STXBP5: variants seen among roughly 807,000 people sequenced by gnomAD.
STXBP5 encodes syntaxin-binding protein 5.
Under a neutral mutation model 152.4 loss-of-function variants are expected in STXBP5, and 50 were observed. The ratio of observed to expected loss-of-function variants is 0.33; its 90% confidence interval spans 0.26 to 0.42. The LOEUF is 0.42. STXBP5 is among the 10% of genes least tolerant of loss of function. The probability of loss-of-function intolerance (pLI) is 1.00; values close to 1 mark genes in which losing one functional copy is unlikely to be tolerated. For synonymous variants in STXBP5, 492 were observed against 494.7 expected (o/e 0.99, Z 0.07); for missense variants, 1,167 against 1,388.6 (o/e 0.84, Z 2.54).
chr6:147,325,489 C>A (rs1426213240), intron 17 of STXBP5, among the ~76,000 whole-genome samples: 2 of 152,112 alleles, frequency 1.3e-5, no homozygotes, highest in African/African-American at 4.8e-5. Context: ...ATTTTTCTTT[C>A]TACTTCCAAT....
chr6:147,240,786 A>C (rs1778503493), intron 4 of STXBP5, among the ~76,000 whole-genome samples: 1 of 152,202 alleles, frequency 6.6e-6, no homozygotes, highest in South Asian at 2.1e-4. Context: ...TCATGGAATT[A>C]GTGAGAAACG....
At position 147,251,979 on chromosome 6, in the gene STXBP5, C is replaced by G. The variant is rs373853151; in HGVS notation, c.432-8636C>G. On this transcript the variant is annotated intron_variant, in intron 4 of 27. Transcript: ENST00000321680. ...TGGACCTCCAGCAAACTCCAGCAGA[C>G]CTGCAGCCTGACTGTTAGAAGGAAA... is the stretch of plus-strand genomic sequence containing the variant. Among the ~76,000 whole-genome samples, 8 of 152,198 alleles carry G rather than the reference C, an allele frequency of 5.3e-5. No individual in the cohort carries two copies. The East Asian group carries it at 1.6e-3, about 30-fold the overall frequency.
At chr6:147,363,229 G>A in intron 23 of STXBP5, 106 bp from the exon 24 acceptor site, 1 of 1,181,482 alleles carries the variant, frequency 8.5e-7, no homozygotes, top group Non-Finnish European at 1.2e-6. Flanking sequence ...AGTTCAATAT[G>A]CGTTCAGCAT....
intron 4 of STXBP5, among the ~76,000 whole-genome samples, chr6:147,240,392 ATATATGTAT>A (rs1778484136): frequency 6.6e-6 from 1 of 152,192 alleles, no homozygotes; most frequent in Non-Finnish European, 1.5e-5. Flanking sequence ...GTGTAGTTGT[ATATATGTAT>A]GTATATAATA....
At chr6:147,265,280 C>A (rs9497735) in intron 6 of STXBP5, among the ~76,000 whole-genome samples, 2,712 of 152,138 alleles carry the variant, frequency 0.018, 70 homozygotes, top group African/African-American at 0.061. Flanking sequence ...GTTAGTCCCT[C>A]CAGCTGCCCC....
chr6:147,363,731 CAG>C, intron 24 of STXBP5, 27 bp downstream of exon 24: 1 of 1,567,246 alleles, frequency 6.4e-7, no homozygotes, highest in Non-Finnish European at 8.6e-7. Flanking sequence ...TTTTAAAACA[CAG>C]ATATAGCATT....
intron 27 of STXBP5, among the ~76,000 whole-genome samples, chr6:147,384,260 A>G (rs1382927943): frequency 6.6e-6 from 1 of 152,092 alleles, no homozygotes; most frequent in African/African-American, 2.4e-5. Context: ...TTAAATGGGG[A>G]GAAAAACAGT....
chr6:147,369,302 C>T (rs755394929), intron 25 of STXBP5, among the ~76,000 whole-genome samples: 1 of 151,930 alleles, frequency 6.6e-6, no homozygotes, highest in Non-Finnish European at 1.5e-5. Context: ...ACGCTTCACA[C>T]CATATACCAA....
chr6:147,312,873 A>G (rs1053037953), intron 11 of STXBP5, among the ~76,000 whole-genome samples: 5 of 152,060 alleles, frequency 3.3e-5, no homozygotes, highest in Admixed American at 6.6e-5. Flanking sequence ...AATAATTGAG[A>G]CTTTTCACAT....
chr6:147,226,989 A>G (rs1238029823), intron 2 of STXBP5, among the ~76,000 whole-genome samples: 2 of 152,146 alleles, frequency 1.3e-5, no homozygotes, highest in Non-Finnish European at 2.9e-5. Flanking sequence ...TTTTCTTGCC[A>G]CACAAGTCTG....
At chr6:147,356,223 C>T (rs191248621) in intron 22 of STXBP5, among the ~76,000 whole-genome samples, 14 of 152,054 alleles carry the variant, frequency 9.2e-5, no homozygotes, top group African/African-American at 2.9e-4. Flanking sequence ...TGTGAATCAC[C>T]TCTTGTAATT....
chr6:147,269,296 T>C (rs1413800369), intron 7 of STXBP5, among the ~76,000 whole-genome samples: 1 of 152,056 alleles, frequency 6.6e-6, no homozygotes, highest in Non-Finnish European at 1.5e-5. Flanking sequence ...AAACTAGCCC[T>C]ATACTAAAGG....
chr6:147,252,745 G>A (rs1016728997), intron 4 of STXBP5, among the ~76,000 whole-genome samples: 1 of 152,174 alleles, frequency 6.6e-6, no homozygotes, highest in South Asian at 2.1e-4. Context: ...GATACTCCTC[G>A]AGAAGTGCAA....
intron 21 of STXBP5, among the ~76,000 whole-genome samples, chr6:147,352,851 T>C (rs1784650414): frequency 6.6e-6 from 1 of 152,056 alleles, no homozygotes; most frequent in African/African-American, 2.4e-5. Flanking sequence ...AAAAAGATAT[T>C]ACATCAAGTA....
chr6:147,301,675 C>G lies in STXBP5; in HGVS notation c.918-8409C>G, dbSNP rs548543925. ...CCAGTCTTAATCCCCAAATCTCACA[C>G]CTAACTATGATAAATTGCCATTCAC... On this transcript the variant is annotated intron_variant, in intron 9 of 27. Transcript: ENST00000321680. Among the ~76,000 whole-genome samples the G allele has an allele frequency of 3.3e-5, 5 of 152,310 alleles. No individual in the cohort carries two copies. The South Asian group carries it at 1.0e-3, about 32-fold the overall frequency.
At position 147,218,354 on chromosome 6, in the gene STXBP5, G is replaced by C. The variant is rs141272155; in HGVS notation, c.248+12286G>C. On this transcript the variant is annotated intron_variant, in intron 2 of 27. Coordinates refer to ENST00000321680, the MANE Select transcript of STXBP5 (RefSeq NM_001127715.4). ...CTTCGTGTAGATCTTGTACATATTT[G>C]TTAGATTTATATTTAAGTATTTCAT... 8.6e-3 allele frequency among the ~76,000 whole-genome samples: 1,290 copies of C among 149,294 alleles called. 22 individuals carry two copies. Among genetic ancestry groups the C allele is most frequent in the African/African-American group, 0.031 (1,237 of 40,434 alleles).
chr6:147,277,939 A>T, intron 7 of STXBP5, 142 bp from the exon 8 acceptor site: 1 of 706,368 alleles, frequency 1.4e-6, no homozygotes, highest in East Asian at 3.0e-5. Flanking sequence ...AAGAGGGCCA[A>T]ATTATTATGG....
intron 9 of STXBP5, among the ~76,000 whole-genome samples, chr6:147,301,381 C>T (rs560518276): frequency 4.6e-5 from 7 of 152,182 alleles, no homozygotes; most frequent in African/African-American, 7.2e-5. Context: ...CTTGGTCTTA[C>T]GTCTGTTAAG....
chr6:147,379,030 T>C (rs1445789469), intron 26 of STXBP5, among the ~76,000 whole-genome samples: 1 of 151,734 alleles, frequency 6.6e-6, no homozygotes, highest in African/African-American at 2.4e-5. Flanking sequence ...TGGTTTCTGG[T>C]CCCATTGTCA....
Sources: gnomAD v4.1 joint callset for allele counts (sites outside exome capture counted in the v4.1 genomes callset) on GRCh38, gnomAD v4.1.1 for gene constraint, MANE v1.5 for transcripts, NCBI Gene and HGNC (gene_info 2026-07-23, HGNC 2026-07-21) for gene names.